ASTN2: variants seen among roughly 807,000 people sequenced by gnomAD.
ASTN2 encodes the protein astrotactin-2.
A neutral mutation model predicts 139.8 loss-of-function variants in ASTN2; 54 were observed. The observed-to-expected ratio is 0.39, with a 90% CI of 0.31 to 0.48. The LOEUF is 0.48. ASTN2 is among the 20% of genes least tolerant of loss of function. ASTN2 has a pLI of 0.95. For synonymous variants in ASTN2, 756 were observed against 719.5 expected (o/e 1.05, Z -0.81); for missense variants, 1,565 against 1,725.1 (o/e 0.91, Z 1.64).
chr9:117,120,614 A>C (rs186607961), intron 4 of ASTN2, among the ~76,000 whole-genome samples: 1 of 152,266 alleles, frequency 6.6e-6, no homozygotes, highest in African/African-American at 2.4e-5. Flanking sequence ...TCACAGTGGG[A>C]GGATCCTCTC....
At chr9:117,312,436 G>T (rs1416941) in intron 1 of ASTN2, among the ~76,000 whole-genome samples, 1 of 152,008 alleles carries the variant, frequency 6.6e-6, no homozygotes, top group East Asian at 1.9e-4. Context: ...CAACTGGCTA[G>T]AGTGTCAAGG....
chr9:116,926,401 G>C (rs974203910), intron 10 of ASTN2, among the ~76,000 whole-genome samples: 14 of 152,086 alleles, frequency 9.2e-5, no homozygotes, highest in African/African-American at 3.4e-4. Context: ...CTATAGCCTT[G>C]CCAGCTTCAT....
chr9:117,140,018 GA>G, intron 4 of ASTN2, among the ~76,000 whole-genome samples: 1 of 152,320 alleles, frequency 6.6e-6, no homozygotes, highest in Middle Eastern at 3.4e-3. Context: ...CCCTCAGACA[GA>G]TTACAATAGC....
chr9:117,034,870 A>T (rs1396073848), intron 6 of ASTN2, among the ~76,000 whole-genome samples: 1 of 152,210 alleles, frequency 6.6e-6, no homozygotes, highest in African/African-American at 2.4e-5. Flanking sequence ...AGATTTGCCA[A>T]GGGTTTGGAT....
In ASTN2 at chr9:116,777,585, A is replaced by C. The variant is rs140742711; in HGVS notation, c.2396+28047T>G. On this transcript the variant is annotated intron_variant, in intron 13 of 22. Transcript: ENST00000313400. The stretch of plus-strand genomic sequence containing the variant: ...TGAGGCGGGGTGGGAGACAGTTGTT[A>C]AATCACTGATTACTGGGACCCACCC... Among the ~76,000 whole-genome samples the C allele has an allele frequency of 1.7e-3, 266 of 152,180 alleles. 2 individuals are homozygous for C. The highest frequency in any genetic ancestry group is 5.9e-3 in the African/African-American group (246 of 41,534).
intron 2 of ASTN2, among the ~76,000 whole-genome samples, chr9:117,244,414 T>G (rs1356231675): frequency 6.6e-6 from 1 of 152,108 alleles, no homozygotes; most frequent in Non-Finnish European, 1.5e-5. Context: ...ATCGATTTAT[T>G]TTTCTCTCCC....
At chr9:116,870,353 A>G (rs1450352053) in intron 10 of ASTN2, among the ~76,000 whole-genome samples, 1 of 152,148 alleles carries the variant, frequency 6.6e-6, no homozygotes. Flanking sequence ...GTAGATGACT[A>G]TGAGGATATA....
At chr9:117,219,094 G>C (rs1056828560) in intron 2 of ASTN2, among the ~76,000 whole-genome samples, 2 of 152,170 alleles carry the variant, frequency 1.3e-5, no homozygotes, top group Non-Finnish European at 1.5e-5. Context: ...AGGAGCTCAA[G>C]AGAACCATCT....
intron 1 of ASTN2, among the ~76,000 whole-genome samples, chr9:117,315,012 T>C (rs895562221): frequency 6.7e-6 from 1 of 148,322 alleles, no homozygotes; most frequent in Non-Finnish European, 1.5e-5. Flanking sequence ...TTACTTAATA[T>C]ATATAAATAT....
chr9:116,606,529 C>T (rs1855215172), intron 19 of ASTN2, among the ~76,000 whole-genome samples: 1 of 152,180 alleles, frequency 6.6e-6, no homozygotes, highest in African/African-American at 2.4e-5. Context: ...CAGCACTGGA[C>T]TTGGCTGCCA....
In ASTN2 at chr9:117,373,496, G is replaced by C. The variant is rs138862960; in HGVS notation, c.442+41001C>G. ...GTAGAAAACTTCAAGGTCAAACTAA[G>C]GGATGCAGACCAGTGAAATATGCTC... is the stretch of plus-strand genomic sequence containing the variant. On this transcript the variant is annotated intron_variant, in intron 1 of 22. Transcript: ENST00000313400. Among the ~76,000 whole-genome samples the C allele has an allele frequency of 1.5e-3, 221 of 152,278 alleles. 2 individuals carry two copies. Among genetic ancestry groups the C allele is most frequent in the African/African-American group, 4.9e-3 (203 of 41,560 alleles).
intron 19 of ASTN2, among the ~76,000 whole-genome samples, chr9:116,538,992 CTTCTT>C (rs748088361): frequency 2.0e-5 from 3 of 152,142 alleles, no homozygotes; most frequent in Non-Finnish European, 2.9e-5. Context: ...ATAATGGAGT[CTTCTT>C]TTAAGAAAAA....
At chr9:117,392,715 G>A (rs923493418) in intron 1 of ASTN2, among the ~76,000 whole-genome samples, 11 of 152,184 alleles carry the variant, frequency 7.2e-5, no homozygotes, top group African/African-American at 2.4e-4. Flanking sequence ...TCTTAAGAGA[G>A]TTTATCAGTC....
chr9:116,971,353 C>G (rs1836193487), intron 10 of ASTN2, among the ~76,000 whole-genome samples: 1 of 152,190 alleles, frequency 6.6e-6, no homozygotes, highest in African/African-American at 2.4e-5. Flanking sequence ...CCTTAGATTG[C>G]ACAAAGTCAA....
intron 20 of ASTN2, among the ~76,000 whole-genome samples, chr9:116,453,421 G>A (rs1394945608): frequency 1.3e-5 from 2 of 150,948 alleles, no homozygotes; most frequent in East Asian, 2.0e-4. Context: ...GTGAAACCCC[G>A]TCTCTATTAA....
chr9:117,389,710 T>C (rs1327133823), intron 1 of ASTN2, among the ~76,000 whole-genome samples: 1 of 152,120 alleles, frequency 6.6e-6, no homozygotes, highest in Non-Finnish European at 1.5e-5. Context: ...TGAGTACTAA[T>C]TGTGAACCAA....
At chr9:117,170,541 A>T (rs1830767685) in intron 3 of ASTN2, among the ~76,000 whole-genome samples, 1 of 152,158 alleles carries the variant, frequency 6.6e-6, no homozygotes, top group Non-Finnish European at 1.5e-5. Context: ...TTGTCAGATG[A>T]TGCTAAACAC....
intron 1 of ASTN2, among the ~76,000 whole-genome samples, chr9:117,337,791 C>G (rs1828932707): frequency 1.3e-5 from 2 of 152,004 alleles, no homozygotes; most frequent in Admixed American, 1.3e-4. Context: ...GAGCTCATAG[C>G]CAAGGGGAGA....
At chr9:117,008,066 T>C in intron 7 of ASTN2, 26 bp downstream of exon 7, 1 of 1,554,664 alleles carries the variant, frequency 6.4e-7, no homozygotes, top group Non-Finnish European at 8.7e-7. Context: ...CCACCTTCTA[T>C]CCCCATCCCG....
Sources: allele counts gnomAD v4.1 joint callset (sites outside exome capture counted in the v4.1 genomes callset), GRCh38; gene constraint gnomAD v4.1.1; transcripts MANE v1.5; gene names NCBI Gene and HGNC (gene_info 2026-07-23, HGNC 2026-07-21).